KMO: variants seen among roughly 807,000 people sequenced by gnomAD.
KMO encodes kynurenine 3-hydroxylase.
A neutral mutation model predicts 57.8 loss-of-function variants in KMO; 24 were observed. The ratio of observed to expected loss-of-function variants is 0.42; its 90% CI spans 0.30 to 0.58. KMO has a LOEUF of 0.58. Ranked by LOEUF, KMO falls within the 20% of genes least tolerant of loss-of-function variation. The probability of loss-of-function intolerance (pLI) is 0.22; values close to 1 mark genes in which losing one functional copy is unlikely to be tolerated. For synonymous variants in KMO, 210 were observed against 193.6 expected (o/e 1.08, Z -0.70); for missense variants, 483 against 588.2 (o/e 0.82, Z 1.85).
intron 3 of KMO, among the ~76,000 whole-genome samples, chr1:241,550,276 C>G (rs6660201): frequency 6.6e-6 from 1 of 151,916 alleles, no homozygotes; most frequent in Non-Finnish European, 1.5e-5. Context: ...GATTATGGGG[C>G]GGGTTTATGT....
chr1:241,532,946 C>T (rs1028737945), intron 1 of KMO, among the ~76,000 whole-genome samples: 3 of 152,152 alleles, frequency 2.0e-5, no homozygotes, highest in African/African-American at 7.2e-5. Flanking sequence ...ATGAAGCTAA[C>T]GTCAAAGTAT....
intron 6 of KMO, among the ~76,000 whole-genome samples, chr1:241,561,857 C>G (rs766479499): frequency 6.6e-6 from 1 of 152,170 alleles, no homozygotes; most frequent in Non-Finnish European, 1.5e-5. Context: ...CATTCGTACA[C>G]TTGGAACACT....
chr1:241,579,055 G>C (rs1346332256), intron 10 of KMO, among the ~76,000 whole-genome samples: 1 of 152,104 alleles, frequency 6.6e-6, no homozygotes, highest in African/African-American at 2.4e-5. Context: ...TGGGAATTAT[G>C]GGAGATACAA....
At chr1:241,536,829 T>G (rs1446937372) in intron 1 of KMO, among the ~76,000 whole-genome samples, 3 of 152,200 alleles carry the variant, frequency 2.0e-5, no homozygotes, top group Non-Finnish European at 2.9e-5. Flanking sequence ...AATTGTGCCC[T>G]GCCCCCTGGA....
At chr1:241,553,933 C>T (rs947941013) in intron 4 of KMO, among the ~76,000 whole-genome samples, 11 of 152,102 alleles carry the variant, frequency 7.2e-5, no homozygotes, top group Non-Finnish European at 1.5e-4. Flanking sequence ...TATACTTCTA[C>T]TTTTGGATGA....
intron 5 of KMO, among the ~76,000 whole-genome samples, chr1:241,558,655 A>G (rs769594268): frequency 6.6e-6 from 1 of 151,928 alleles, no homozygotes; most frequent in African/African-American, 2.4e-5. Context: ...TTCTTATAGT[A>G]CTTCTCAGGG....
At chr1:241,564,868 C>G (rs1011778907) in intron 7 of KMO, 119 bp from the exon 8 acceptor site, 1 of 633,564 alleles carries the variant, frequency 1.6e-6, no homozygotes, top group Non-Finnish European at 2.8e-6. Flanking sequence ...AATAGATGTG[C>G]GTATCATCGT....
chr1:241,580,120 TAAC>T (rs1401931951), intron 10 of KMO, among the ~76,000 whole-genome samples: 18 of 152,160 alleles, frequency 1.2e-4, no homozygotes, highest in Non-Finnish European at 2.6e-4. Context: ...TTTGAGGACT[TAAC>T]AATTTTTCAC....
At chr1:241,533,829 A>G (rs1376478799) in intron 1 of KMO, among the ~76,000 whole-genome samples, 1 of 152,238 alleles carries the variant, frequency 6.6e-6, no homozygotes, top group Non-Finnish European at 1.5e-5. Flanking sequence ...GAATGTGGTC[A>G]GGGACAGCTG....
At chr1:241,580,717 G>T (rs925250723) in intron 10 of KMO, among the ~76,000 whole-genome samples, 21 of 152,004 alleles carry the variant, frequency 1.4e-4, no homozygotes, top group African/African-American at 5.1e-4. Context: ...AAAGATACTT[G>T]ATGTGATTTC....
chr1:241,562,255 A>G lies in KMO; in HGVS notation c.538A>G (p.Lys180Glu). The change falls in exon 7 of 15, where the codon AAA (lysine) becomes GAA (glutamate). Residue 180 changes from lysine to glutamate, a missense_variant. Physicochemically the swap from Lys to Glu is moderately conservative, Grantham distance 56. Coordinates refer to ENST00000366559, the MANE Select transcript of KMO (RefSeq NM_003679.5). ...AACTGTCAGATCTCACCTGATGAAGAAACCTCGCTTTGATTACAGTCAGCA... is the reference window on the plus strand; with the variant it reads ...AACTGTCAGATCTCACCTGATGAAGGAACCTCGCTTTGATTACAGTCAGCA... Reference protein sequence around the residue: ...YSTVRSHLMKKPRFDYSQQYI... With the variant: ...YSTVRSHLMKEPRFDYSQQYI... 1 of 1,614,222 alleles carries G rather than the reference A, an allele frequency of 6.2e-7. No individual in the cohort carries two copies. The highest frequency in any genetic ancestry group is 1.7e-5 in the Admixed American group (1 of 60,032).
chr1:241,575,717 T>C (rs1339302995), intron 10 of KMO, among the ~76,000 whole-genome samples: 1 of 152,120 alleles, frequency 6.6e-6, no homozygotes, highest in Non-Finnish European at 1.5e-5. Context: ...GAATGTTCCA[T>C]GTGCTGATGA....
At chr1:241,591,248 G>A (rs559450158) in intron 14 of KMO, among the ~76,000 whole-genome samples, 1 of 152,104 alleles carries the variant, frequency 6.6e-6, no homozygotes, top group African/African-American at 2.4e-5. Context: ...CTTCAAGGAG[G>A]GATAAAAGTC....
intron 1 of KMO, among the ~76,000 whole-genome samples, chr1:241,534,542 T>C (rs987972243): frequency 2.0e-5 from 3 of 152,278 alleles, no homozygotes; most frequent in Non-Finnish European, 2.9e-5. Flanking sequence ...TTACGCATCA[T>C]GTTTGATTCC....
chr1:241,538,468 A>G (rs1398015092), intron 1 of KMO, among the ~76,000 whole-genome samples: 3 of 152,236 alleles, frequency 2.0e-5, no homozygotes, highest in African/African-American at 4.8e-5. Context: ...AGTGACATAC[A>G]TGCCAGAGAC....
intron 10 of KMO, among the ~76,000 whole-genome samples, chr1:241,582,556 A>G (rs1558429586): frequency 6.6e-6 from 1 of 151,300 alleles, no homozygotes; most frequent in Non-Finnish European, 1.5e-5. Context: ...CTGTTGAGAG[A>G]CTCTGATGCA....
At chr1:241,575,378 T>C (rs1662470869) in intron 10 of KMO, among the ~76,000 whole-genome samples, 1 of 152,116 alleles carries the variant, frequency 6.6e-6, no homozygotes, top group African/African-American at 2.4e-5. Flanking sequence ...TGTGATGTTT[T>C]TGAACTTTTT....
At chr1:241,537,244 G>A (rs1248746887) in intron 1 of KMO, among the ~76,000 whole-genome samples, 1 of 152,032 alleles carries the variant, frequency 6.6e-6, no homozygotes, top group Admixed American at 6.6e-5. Flanking sequence ...CAGATCTCTA[G>A]CTTTGTTCTC....
chr1:241,560,417 G>A (rs1161693104), intron 5 of KMO, among the ~76,000 whole-genome samples: 1 of 152,148 alleles, frequency 6.6e-6, no homozygotes, highest in Non-Finnish European at 1.5e-5. Context: ...TTGCACAATG[G>A]AATCAGTTGG....
Sources: gnomAD v4.1 joint callset for allele counts (sites outside exome capture counted in the v4.1 genomes callset) on GRCh38, gnomAD v4.1.1 for gene constraint, MANE v1.5 for transcripts, NCBI Gene and HGNC (gene_info 2026-07-23, HGNC 2026-07-21) for gene names.